The following GTF2E2 variants were observed in gnomAD, a reference collection of about 807,000 sequenced individuals.
GTF2E2 encodes general transcription factor IIE subunit 2.
In GTF2E2, 21 loss-of-function variants were observed where a neutral mutation model predicts 40.5. That is an observed-to-expected ratio of 0.52 (90% CI 0.37 to 0.75). The LOEUF (loss-of-function observed/expected upper bound fraction) is 0.75, where lower values mean the gene tolerates loss of function less well. Ranked by LOEUF, GTF2E2 falls within the 30% of genes least tolerant of loss-of-function variation. The probability of loss-of-function intolerance (pLI) is 0.00; values close to 1 mark genes in which losing one functional copy is unlikely to be tolerated. For synonymous variants in GTF2E2, 117 were observed against 121.6 expected, an observed-to-expected ratio of 0.96 and a Z score of 0.25; for missense variants, 298 against 338.4, an observed-to-expected ratio of 0.88 and a Z score of 0.94.
rs555622980 is a variant in GTF2E2 at position 30,598,572 on chromosome 8, C to T, written c.643+8485G>A. ...ACATTTATACTTAATCCCTGCCTTT[C>T]CTTAGCTCAATGCTGTTGCAATATT... On this transcript the variant is annotated intron_variant, in intron 6 of 7. Transcript: ENST00000355904. Among the ~76,000 whole-genome samples, 9 of 152,296 alleles carry T rather than the reference C, an allele frequency of 5.9e-5. No homozygotes were observed. In the South Asian group the frequency reaches 1.9e-3, roughly 32 times the overall value.
At chr8:30,654,974 C>T (rs535862167) in intron 1 of GTF2E2, among the ~76,000 whole-genome samples, 2 of 152,290 alleles carry the variant, frequency 1.3e-5, no homozygotes, top group East Asian at 1.9e-4. Flanking sequence ...GGCACAGTGG[C>T]TCATGTCTGT....
intron 3 of GTF2E2, among the ~76,000 whole-genome samples, chr8:30,620,271 C>T (rs1338329818): frequency 6.6e-6 from 1 of 150,766 alleles, no homozygotes; most frequent in Non-Finnish European, 1.5e-5. Flanking sequence ...CACACACACA[C>T]ACGTATACAT....
intron 1 of GTF2E2, chr8:30,657,057 T>TAA (rs1802471582): frequency 6.6e-6 from 1 of 152,158 alleles, no homozygotes; most frequent in Non-Finnish European, 1.5e-5. Context: ...TAAAGGCCTT[T>TAA]AAAACAAAGG....
chr8:30,641,554 C>G (rs1438480622), intron 2 of GTF2E2, among the ~76,000 whole-genome samples: 1 of 152,050 alleles, frequency 6.6e-6, no homozygotes, highest in South Asian at 2.1e-4. Context: ...GAGACAGGGC[C>G]TCCCCACATT....
At chr8:30,623,084 C>G (rs1337156605) in intron 3 of GTF2E2, among the ~76,000 whole-genome samples, 1 of 152,056 alleles carries the variant, frequency 6.6e-6, no homozygotes, top group Non-Finnish European at 1.5e-5. Flanking sequence ...CCCATGAAAT[C>G]TTCACAATTT....
chr8:30,641,930 G>C (rs1000592637), intron 2 of GTF2E2, among the ~76,000 whole-genome samples: 1 of 152,180 alleles, frequency 6.6e-6, no homozygotes, highest in African/African-American at 2.4e-5. Context: ...GCCTCCCAAA[G>C]TGTGGGGGTG....
chr8:30,637,871 T>G (rs1801663737), intron 2 of GTF2E2, among the ~76,000 whole-genome samples: 1 of 152,252 alleles, frequency 6.6e-6, no homozygotes, highest in Non-Finnish European at 1.5e-5. Context: ...CCTGGTCTGC[T>G]GCTGTTGTTA....
intron 6 of GTF2E2, among the ~76,000 whole-genome samples, chr8:30,595,611 C>T (rs1018857488): frequency 1.3e-5 from 2 of 152,170 alleles, no homozygotes; most frequent in Non-Finnish European, 2.9e-5. Context: ...GGGCAGACTG[C>T]TTGAGCCCAA....
rs1263902806 is a variant in GTF2E2, at chr8:30,614,613, T to C, written c.361A>G (p.Thr121Ala). Residue 121 changes from threonine to alanine, a missense_variant, in exon 4 of 8, where the codon ACT (threonine) becomes GCT (alanine). Coordinates refer to ENST00000355904, the MANE Select transcript of GTF2E2 (RefSeq NM_002095.6). ...IGLKQKQWLM[T>A]EALVNNPKIE... Reference sequence around the variant, plus strand: ...ATAATCAACTAAATTCTTACCTCAGTCATTAGCCATTGTTTCTGCTTGAGT... The same window carrying C: ...ATAATCAACTAAATTCTTACCTCAGCCATTAGCCATTGTTTCTGCTTGAGT... 1 of 1,516,750 alleles carries C rather than the reference T, an allele frequency of 6.6e-7. No individual in the cohort carries two copies. Among genetic ancestry groups the C allele is most frequent in the Middle Eastern group, 1.7e-4 (1 of 5,858 alleles). 94.0% of individuals were successfully genotyped at this position (1,516,750 alleles called of 1,614,324 possible). A position where few individuals can be genotyped will look rare whatever the true frequency, so the allele number is the denominator to read the frequency against.
chr8:30,618,383 CCTTCG>C (rs774699881), intron 3 of GTF2E2, among the ~76,000 whole-genome samples: 8 of 151,978 alleles, frequency 5.3e-5, no homozygotes, highest in Non-Finnish European at 1.0e-4. Context: ...TAAAGTGGCT[CCTTCG>C]CTTCATGTCA....
chr8:30,650,479 G>A lies in GTF2E2; in HGVS notation c.166+2954C>T, dbSNP rs112823851. 6.1e-3 allele frequency among the ~76,000 whole-genome samples: 926 copies of A among 151,260 alleles called. 7 individuals are homozygous for A. The highest frequency in any genetic ancestry group is 0.021 in the African/African-American group (864 of 41,128). The stretch of plus-strand genomic sequence containing the variant: ...CTAAGGGGGATGGATCCCTTGAAGC[G>A]GGGAGTTTGAGACCCACCTGGGCAA... On this transcript the variant is annotated intron_variant, in intron 2 of 7. Coordinates refer to ENST00000355904, the MANE Select transcript of GTF2E2 (RefSeq NM_002095.6).
chr8:30,646,230 A>T (rs1394200481), intron 2 of GTF2E2, among the ~76,000 whole-genome samples: 1 of 152,174 alleles, frequency 6.6e-6, no homozygotes, highest in Non-Finnish European at 1.5e-5. Flanking sequence ...GGAAAGGCCT[A>T]GTCTATTTTC....
chr8:30,648,926 G>A (rs1024780475), intron 2 of GTF2E2, among the ~76,000 whole-genome samples: 2 of 152,174 alleles, frequency 1.3e-5, no homozygotes, highest in African/African-American at 4.8e-5. Context: ...AACCCTACAA[G>A]GGCTCTTCCT....
intron 2 of GTF2E2, among the ~76,000 whole-genome samples, chr8:30,652,107 C>G (rs1416955172): frequency 6.6e-6 from 1 of 152,030 alleles, no homozygotes; most frequent in Non-Finnish European, 1.5e-5. Flanking sequence ...GGAGCTAAAA[C>G]TACAAAACTC....
At chr8:30,579,705 G>A (rs1162878846) in intron 7 of GTF2E2, among the ~76,000 whole-genome samples, 4 of 152,158 alleles carry the variant, frequency 2.6e-5, no homozygotes, top group African/African-American at 4.8e-5. Flanking sequence ...GCTAACAAGG[G>A]TGCTGGTGAA....
chr8:30,641,249 T>C (rs746493008), intron 2 of GTF2E2, among the ~76,000 whole-genome samples: 16 of 152,212 alleles, frequency 1.1e-4, no homozygotes, highest in Admixed American at 7.9e-4. Context: ...ATTTACAACA[T>C]AAACCTGACC....
At chr8:30,580,448 C>A (rs759582276) in intron 6 of GTF2E2, 52 bp from the exon 7 acceptor site, 13 of 994,358 alleles carry the variant, frequency 1.3e-5, no homozygotes, top group Non-Finnish European at 2.1e-5. Context: ...CAAACTATAG[C>A]ATCTTGATCA....
chr8:30,624,242 T>C (rs1001632004), intron 3 of GTF2E2, among the ~76,000 whole-genome samples: 1 of 152,198 alleles, frequency 6.6e-6, no homozygotes, highest in Non-Finnish European at 1.5e-5. Context: ...CTAGCCAGTA[T>C]TCCCAGCACC....
intron 6 of GTF2E2, among the ~76,000 whole-genome samples, chr8:30,592,261 C>T (rs977255456): frequency 2.6e-5 from 4 of 152,140 alleles, no homozygotes; most frequent in African/African-American, 9.7e-5. Flanking sequence ...CACCTGTAGT[C>T]CTAGCTACTG....
Sources: allele counts gnomAD v4.1 joint callset (sites outside exome capture counted in the v4.1 genomes callset), GRCh38; gene constraint gnomAD v4.1.1; transcripts MANE v1.5; gene names NCBI Gene and HGNC (gene_info 2026-07-23, HGNC 2026-07-21).